ZNF469: variants seen among roughly 807,000 people sequenced by gnomAD.
ZNF469 encodes the protein zinc finger protein 469.
In ZNF469, 1 loss-of-function variant was observed where a neutral mutation model predicts 1.0. The ratio of observed to expected loss-of-function variants is 1.00; its 90% CI spans 0.35 to 4.73. The LOEUF (loss-of-function observed/expected upper bound fraction) is 4.73, where lower values mean the gene tolerates loss of function less well. Ranked by LOEUF, ZNF469 falls within the 30% of genes most tolerant of loss-of-function variation. The probability of loss-of-function intolerance (pLI) is 0.16; values close to 1 mark genes in which losing one functional copy is unlikely to be tolerated. For missense variants in ZNF469, 6,100 were observed against 5,356.3 expected (o/e 1.14, Z -4.33); for synonymous variants, 2,703 against 2,363.4 (o/e 1.14, Z -4.17).
chr16:88,425,338 ATG>A (rs1239238849), intron 2 of ZNF469, among the ~76,000 whole-genome samples: 2 of 151,956 alleles, frequency 1.3e-5, no homozygotes, highest in Non-Finnish European at 2.9e-5. Context: ...GGGGTCTGAC[ATG>A]TGGGACTGGG....
chr16:88,316,703 C>T, the ZNF469 span, among the ~76,000 whole-genome samples: 15 of 152,090 alleles, frequency 9.9e-5, no homozygotes, highest in South Asian at 1.9e-3. Flanking sequence ...CCCGCCACCA[C>T]GCCCAGCTAA....
chr16:88,266,925 G>C, the ZNF469 span, among the ~76,000 whole-genome samples: 2 of 152,254 alleles, frequency 1.3e-5, no homozygotes, highest in Non-Finnish European at 2.9e-5. Flanking sequence ...AGTGTTTATA[G>C]GTGTGAGCTT....
At chr16:88,117,665 G>T in the ZNF469 span, among the ~76,000 whole-genome samples, 4 of 152,240 alleles carry the variant, frequency 2.6e-5, no homozygotes, top group East Asian at 1.9e-4. Flanking sequence ...TTCACAAACC[G>T]TGGAGGTGCC....
At chr16:88,406,639 G>A (rs368084931) in intron 1 of ZNF469, among the ~76,000 whole-genome samples, 3 of 152,222 alleles carry the variant, frequency 2.0e-5, no homozygotes, top group Admixed American at 6.5e-5. Flanking sequence ...GACCCCACGC[G>A]CCTGCAGCCC....
the ZNF469 span, among the ~76,000 whole-genome samples, chr16:88,140,473 A>AGCCATGTAG: frequency 1.9e-4 from 29 of 151,356 alleles, no homozygotes; most frequent in Middle Eastern, 3.4e-3. Context: ...GGTAGCACGG[A>AGCCATGTAG]AAGTCAGTGA....
At chr16:88,298,098 A>G in the ZNF469 span, among the ~76,000 whole-genome samples, 1 of 152,206 alleles carries the variant, frequency 6.6e-6, no homozygotes, top group Non-Finnish European at 1.5e-5. Context: ...TAAGACCAGA[A>G]TTGCAGATGT....
chr16:88,108,232 T>C, the ZNF469 span, among the ~76,000 whole-genome samples: 2 of 119,374 alleles, frequency 1.7e-5, no homozygotes, highest in East Asian at 4.5e-4. Context: ...TCTGTGGGGA[T>C]GCGGGGAGGG....
chr16:88,322,262 G>A, the ZNF469 span, among the ~76,000 whole-genome samples: 7 of 152,198 alleles, frequency 4.6e-5, no homozygotes, highest in South Asian at 2.1e-4. Flanking sequence ...CCAGGAAATC[G>A]GAGGCCAGGT....
At chr16:88,311,043 G>C in the ZNF469 span, among the ~76,000 whole-genome samples, 7 of 152,166 alleles carry the variant, frequency 4.6e-5, no homozygotes, top group Non-Finnish European at 1.0e-4. Flanking sequence ...GCCTCCCTCG[G>C]CTCCTCTCCA....
the ZNF469 span, among the ~76,000 whole-genome samples, chr16:88,277,018 C>T: frequency 6.6e-6 from 1 of 151,748 alleles, no homozygotes; most frequent in South Asian, 2.1e-4. Flanking sequence ...CTGTGCCACG[C>T]TGACGCTTGG....
At chr16:88,296,575 G>T in the ZNF469 span, among the ~76,000 whole-genome samples, 1 of 148,476 alleles carries the variant, frequency 6.7e-6, no homozygotes, top group African/African-American at 2.5e-5. Context: ...CTCACACACA[G>T]GTGCGCATAT....
At chr16:88,145,935 A>G in the ZNF469 span, among the ~76,000 whole-genome samples, 1 of 152,236 alleles carries the variant, frequency 6.6e-6, no homozygotes, top group Non-Finnish European at 1.5e-5. Flanking sequence ...GCCTCTGGGA[A>G]GTGGCCGAGA....
Position 88,435,985 on chromosome 16 carries a change from C to A in ZNF469, c.8515C>A (p.Pro2839Thr). The A allele has an allele frequency of 6.5e-7, 1 of 1,550,112 alleles. No homozygotes were observed. The highest frequency in any genetic ancestry group is 8.7e-7 in the Non-Finnish European group (1 of 1,146,986). ...AGTCCAGGGGCCTGAAGGCCCCACT[C>A]CTGATGCCTCTGGCTCCAGTGCCAA... is the stretch of plus-strand genomic sequence containing the variant. ...GGVQGPEGPT[P>T]DASGSSAKDP... Residue 2839 changes from proline (P) to threonine (T), a missense_variant, in exon 3 of 3, where the codon CCT (proline) becomes ACT (threonine). Transcript: ENST00000565624.
In ZNF469 at chr16:88,439,472, C is replaced by T; in HGVS notation, c.*140C>T. ...AACTGCTCAGGCCTTGATGTCAGAG[C>T]TGAGGTGGTGATGCTTTGAACAGGG... On this transcript the variant is annotated 3_prime_UTR_variant, in exon 3 of 3. Transcript: ENST00000565624. 1 of 951,096 alleles carries T rather than the reference C, an allele frequency of 1.1e-6. No individual in the cohort carries two copies. Among genetic ancestry groups the T allele is most frequent in the Non-Finnish European group, 1.6e-6 (1 of 622,392 alleles). 58.9% of individuals were successfully genotyped at this position (951,096 alleles called of 1,614,324 possible).
the ZNF469 span, among the ~76,000 whole-genome samples, chr16:88,270,600 G>C: frequency 6.6e-6 from 1 of 152,162 alleles, no homozygotes. Context: ...AAAACCAAAG[G>C]CTTTTACCAT....
chr16:88,395,855 A>T (rs187350087), intron 1 of ZNF469, among the ~76,000 whole-genome samples: 1 of 152,188 alleles, frequency 6.6e-6, no homozygotes, highest in African/African-American at 2.4e-5. Context: ...TCTTTCCTGG[A>T]TGGATCAAAG....
At chr16:88,185,386 A>T in the ZNF469 span, among the ~76,000 whole-genome samples, 2 of 148,384 alleles carry the variant, frequency 1.3e-5, no homozygotes, top group African/African-American at 2.5e-5. Flanking sequence ...GTGTGTGCAG[A>T]GAACACACAC....
At chr16:88,397,013 CTGAAGGGAGGCCGGGAGGAGACCCTCA>C (rs1904702081) in intron 1 of ZNF469, among the ~76,000 whole-genome samples, 2 of 138,406 alleles carry the variant, frequency 1.4e-5, no homozygotes, top group African/African-American at 2.8e-5. Context: ...GGAGACCCTC[CTGAAGGGAGGCCGGGAGGAGACCCTCA>C]TGAAGACAGG....
Position 88,391,683 on chromosome 16 carries a change from C to T in ZNF469, c.-192+8429C>T, listed in dbSNP as rs151081020. ...GGGGAGCAGTGCGGTCTGTGGCCCA[C>T]GGCAAGCACCCGACACATCTTCAGG... On this transcript the variant is annotated intron_variant, in intron 1 of 2. Coordinates refer to ENST00000565624, the MANE Select transcript of ZNF469 (RefSeq NM_001367624.2). Among the ~76,000 whole-genome samples the T allele has an allele frequency of 9.7e-3, 1,471 of 152,306 alleles. 8 individuals carry two copies. Among genetic ancestry groups the T allele is most frequent in the Middle Eastern group, 0.02 (6 of 294 alleles).
Sources: gnomAD v4.1 joint callset for allele counts (sites outside exome capture counted in the v4.1 genomes callset) on GRCh38, gnomAD v4.1.1 for gene constraint, MANE v1.5 for transcripts, NCBI Gene and HGNC (gene_info 2026-07-23, HGNC 2026-07-21) for gene names.